ST3GAL3: variants seen among roughly 807,000 people sequenced by gnomAD.
The protein encoded by ST3GAL3 is ST3 beta-galactoside alpha-2,3-sialyltransferase 3.
A neutral mutation model predicts 50.1 loss-of-function variants in ST3GAL3; 21 were observed. The observed-to-expected ratio is 0.42, with a 90% confidence interval of 0.30 to 0.60. ST3GAL3 has a LOEUF of 0.60. Among genes scored for constraint, ST3GAL3 ranks in the 20% least tolerant of loss-of-function variants. The pLI is 0.19. For missense variants in ST3GAL3, 353 were observed against 489.4 expected (o/e 0.72, Z 2.63); for synonymous variants, 183 against 190.0 (o/e 0.96, Z 0.30).
At chr1:43,850,439 C>G in intron 5 of ST3GAL3, 2 of 589,204 alleles carry the variant, frequency 3.4e-6, no homozygotes, top group South Asian at 2.8e-5. Flanking sequence ...CAGCGTTGCT[C>G]TGGATCTGCA....
At chr1:43,726,305 GAGAT>G (rs1672883765) in intron 1 of ST3GAL3, among the ~76,000 whole-genome samples, 1 of 152,014 alleles carries the variant, frequency 6.6e-6, no homozygotes, top group African/African-American at 2.4e-5. Context: ...TTATTTATAA[GAGAT>G]AGGGTCTTGC....
At chr1:43,880,453 C>G (rs2074912463) in intron 5 of ST3GAL3, among the ~76,000 whole-genome samples, 1 of 152,058 alleles carries the variant, frequency 6.6e-6, no homozygotes. Context: ...GTCTTCCTCC[C>G]CTCATACTCT....
At chr1:43,851,044 A>G in intron 5 of ST3GAL3, 1 of 843,370 alleles carries the variant, frequency 1.2e-6, no homozygotes, top group South Asian at 1.3e-5. Context: ...CAGCCTGCTG[A>G]TATGTGCCAT....
chr1:43,736,361 C>T lies in ST3GAL3; in HGVS notation c.99C>T (p.Leu33=), dbSNP rs769732949. Residue 33 remains leucine, a synonymous_variant, in exon 2 of 12, where the codon CTC becomes CTT. Transcript: ENST00000347631. ...LYYSAWKLHL[L]QWEEDSNSVV... ...ATTCTGCGTGGAAGCTACACTTACTCCAGTGGGAGGAGGACTCCAGTAAGT... is the reference window on the plus strand; with the variant it reads ...ATTCTGCGTGGAAGCTACACTTACTTCAGTGGGAGGAGGACTCCAGTAAGT... The T allele has an allele frequency of 1.3e-5, 21 of 1,614,040 alleles. No individual in the cohort carries two copies. The highest frequency in any genetic ancestry group is 1.7e-5 in the Non-Finnish European group (20 of 1,180,028).
chr1:43,782,588 A>C (rs1466001381), intron 2 of ST3GAL3, among the ~76,000 whole-genome samples: 2 of 151,950 alleles, frequency 1.3e-5, no homozygotes, highest in Non-Finnish European at 2.9e-5. Flanking sequence ...ATTCCTCTCC[A>C]CTTATCAGTC....
intron 4 of ST3GAL3, among the ~76,000 whole-genome samples, chr1:43,815,532 C>G (rs1254164997): frequency 6.6e-6 from 1 of 152,162 alleles, no homozygotes; most frequent in Non-Finnish European, 1.5e-5. Flanking sequence ...ACAGTTATCT[C>G]ACTATACTGT....
chr1:43,904,343 G>C (rs2154276157), intron 9 of ST3GAL3, among the ~76,000 whole-genome samples: 1 of 152,190 alleles, frequency 6.6e-6, no homozygotes, highest in South Asian at 2.1e-4. Flanking sequence ...ACTCTGTCCT[G>C]GGAGACTCAG....
chr1:43,831,471 C>A (rs1339001685), intron 4 of ST3GAL3, among the ~76,000 whole-genome samples: 1 of 152,160 alleles, frequency 6.6e-6, no homozygotes, highest in Non-Finnish European at 1.5e-5. Context: ...ACCCAGACAC[C>A]ACCAACTCTT....
intron 9 of ST3GAL3, among the ~76,000 whole-genome samples, chr1:43,910,203 G>A (rs912541037): frequency 1.3e-5 from 2 of 152,138 alleles, no homozygotes; most frequent in African/African-American, 4.8e-5. Flanking sequence ...TTTTTTATGT[G>A]AGTTATGGTC....
chr1:43,724,842 G>A (rs1458901704), intron 1 of ST3GAL3, among the ~76,000 whole-genome samples: 1 of 152,160 alleles, frequency 6.6e-6, no homozygotes, highest in Non-Finnish European at 1.5e-5. Flanking sequence ...CAAATTGCGG[G>A]AGGACTGTAA....
At chr1:43,806,647 G>T (rs1275400474) in intron 3 of ST3GAL3, among the ~76,000 whole-genome samples, 1 of 152,168 alleles carries the variant, frequency 6.6e-6, no homozygotes, top group Non-Finnish European at 1.5e-5. Context: ...GGAATAATGT[G>T]TAGGAAATAA....
intron 5 of ST3GAL3, among the ~76,000 whole-genome samples, chr1:43,859,534 G>A (rs1196845677): frequency 6.6e-6 from 1 of 152,042 alleles, no homozygotes; most frequent in Non-Finnish European, 1.5e-5. Context: ...ACTCCAGCCT[G>A]GGCGACAGAG....
chr1:43,819,980 C>T (rs953793472), intron 4 of ST3GAL3, among the ~76,000 whole-genome samples: 2 of 151,948 alleles, frequency 1.3e-5, no homozygotes, highest in African/African-American at 2.4e-5. Flanking sequence ...GTATACGAAA[C>T]CAAAAAAGAG....
intron 5 of ST3GAL3, among the ~76,000 whole-genome samples, chr1:43,891,911 C>G (rs941171227): frequency 7.9e-5 from 12 of 152,186 alleles, no homozygotes; most frequent in Non-Finnish European, 1.5e-4. Context: ...CCGCTGAGAA[C>G]TTTTATCAGT....
At chr1:43,752,112 C>T (rs866146046) in intron 2 of ST3GAL3, among the ~76,000 whole-genome samples, 4 of 152,070 alleles carry the variant, frequency 2.6e-5, no homozygotes, top group African/African-American at 4.8e-5. Context: ...CCACTGCGCC[C>T]GGCCTAAATT....
intron 5 of ST3GAL3, among the ~76,000 whole-genome samples, chr1:43,893,802 C>T (rs1262158917): frequency 6.6e-6 from 1 of 152,140 alleles, no homozygotes; most frequent in East Asian, 1.9e-4. Flanking sequence ...TCTGAAACCT[C>T]TCCCCTCGGC....
intron 5 of ST3GAL3, among the ~76,000 whole-genome samples, chr1:43,859,780 T>C (rs1318910843): frequency 6.6e-6 from 1 of 152,182 alleles, no homozygotes; most frequent in Non-Finnish European, 1.5e-5. Context: ...GCTGGCTCTG[T>C]ACCTGCTGTC....
intron 1 of ST3GAL3, among the ~76,000 whole-genome samples, chr1:43,727,862 T>A (rs553196907): frequency 6.6e-6 from 1 of 152,266 alleles, no homozygotes; most frequent in Non-Finnish European, 1.5e-5. Flanking sequence ...TAAACCTTTT[T>A]TAAAAAAATA....
At chr1:43,839,480 C>T (rs2064991937) in intron 5 of ST3GAL3, 1 of 152,142 alleles carries the variant, frequency 6.6e-6, no homozygotes, top group South Asian at 2.1e-4. Context: ...TTTGCTTTTT[C>T]TAATTGAAAG....
Sources: gnomAD v4.1 joint callset for allele counts (sites outside exome capture counted in the v4.1 genomes callset) on GRCh38, gnomAD v4.1.1 for gene constraint, MANE v1.5 for transcripts, NCBI Gene and HGNC (gene_info 2026-07-23, HGNC 2026-07-21) for gene names.